Variants in ASIC2 observed in about 807,000 individuals in gnomAD.
The protein encoded by ASIC2 is acid sensing ion channel subunit 2.
Under a neutral mutation model 57.3 loss-of-function variants are expected in ASIC2, and 25 were observed. The observed-to-expected ratio is 0.44, with a 90% confidence interval of 0.32 to 0.61. The LOEUF is 0.61. Among genes scored for constraint, ASIC2 ranks in the 20% least tolerant of loss-of-function variants. The probability of loss-of-function intolerance (pLI) is 0.06; values close to 1 mark genes in which losing one functional copy is unlikely to be tolerated. For synonymous variants in ASIC2, 319 were observed against 307.5 expected (o/e 1.04, Z -0.39); for missense variants, 641 against 738.1 (o/e 0.87, Z 1.52).
intron 1 of ASIC2, among the ~76,000 whole-genome samples, chr17:34,064,383 G>T (rs1295118596): frequency 6.6e-6 from 1 of 152,100 alleles, no homozygotes; most frequent in African/African-American, 2.4e-5. Context: ...AACTCAAGTT[G>T]GATTAAGGAC....
intron 3 of ASIC2, among the ~76,000 whole-genome samples, chr17:33,072,622 G>A (rs1247590751): frequency 6.6e-6 from 1 of 152,202 alleles, no homozygotes; most frequent in East Asian, 1.9e-4. Context: ...CAACAGCCAG[G>A]TGACGTACGT....
chr17:33,094,782 A>G (rs534410000), intron 2 of ASIC2, among the ~76,000 whole-genome samples: 2 of 152,250 alleles, frequency 1.3e-5, no homozygotes, highest in Admixed American at 1.3e-4. Context: ...CTTCTACTCC[A>G]CACCTCTTTA....
chr17:33,721,595 G>A (rs977799532), intron 1 of ASIC2, among the ~76,000 whole-genome samples: 5 of 152,150 alleles, frequency 3.3e-5, no homozygotes, highest in Non-Finnish European at 7.3e-5. Context: ...GAGCAGGACC[G>A]AGAAATAAAC....
intron 2 of ASIC2, among the ~76,000 whole-genome samples, chr17:33,102,896 G>A (rs1341871989): frequency 6.6e-6 from 1 of 152,132 alleles, no homozygotes; most frequent in African/African-American, 2.4e-5. Flanking sequence ...CCATTCTCCT[G>A]CCTCAGCCTC....
intron 1 of ASIC2, among the ~76,000 whole-genome samples, chr17:34,051,242 C>A (rs1908544250): frequency 6.6e-6 from 1 of 152,160 alleles, no homozygotes; most frequent in African/African-American, 2.4e-5. Context: ...CTCTTTAATC[C>A]TCTTAGCTCA....
intron 1 of ASIC2, among the ~76,000 whole-genome samples, chr17:33,167,743 A>G (rs748757916): frequency 2.0e-5 from 3 of 152,142 alleles, no homozygotes; most frequent in African/African-American, 4.8e-5. Flanking sequence ...CTATTTCCCA[A>G]ACATGGACTA....
At chr17:33,418,894 T>A (rs1354750764) in intron 1 of ASIC2, among the ~76,000 whole-genome samples, 1 of 146,768 alleles carries the variant, frequency 6.8e-6, no homozygotes, top group African/African-American at 2.6e-5. Context: ...TAAGTGGGAG[T>A]TGAATAATGA....
intron 1 of ASIC2, among the ~76,000 whole-genome samples, chr17:33,542,006 G>A (rs1031604127): frequency 2.0e-5 from 3 of 152,112 alleles, no homozygotes; most frequent in African/African-American, 4.8e-5. Flanking sequence ...ATCTCATAAG[G>A]TTCTAACAAA....
chr17:33,100,850 G>A (rs1056653931), intron 2 of ASIC2, among the ~76,000 whole-genome samples: 1 of 152,224 alleles, frequency 6.6e-6, no homozygotes, highest in Non-Finnish European at 1.5e-5. Flanking sequence ...CCTTGCACCA[G>A]CTGGGAGTTT....
chr17:33,647,976 C>T (rs962911355), intron 1 of ASIC2, among the ~76,000 whole-genome samples: 2 of 152,224 alleles, frequency 1.3e-5, no homozygotes, highest in South Asian at 2.1e-4. Context: ...CCATACCTGT[C>T]ACCAGTAATC....
intron 1 of ASIC2, among the ~76,000 whole-genome samples, chr17:33,424,494 C>A (rs2141973937): frequency 6.6e-6 from 1 of 152,286 alleles, no homozygotes; most frequent in East Asian, 1.9e-4. Context: ...TAGTCTATGG[C>A]AGAGGCCCCA....
chr17:34,118,783 G>A (rs1375199403), intron 1 of ASIC2: 1 of 152,224 alleles, frequency 6.6e-6, no homozygotes, highest in Non-Finnish European at 1.5e-5. Flanking sequence ...CTTGTGAGAT[G>A]TCCAGACTGT....
At chr17:33,458,143 C>T (rs540562225) in intron 1 of ASIC2, among the ~76,000 whole-genome samples, 32 of 152,086 alleles carry the variant, frequency 2.1e-4, no homozygotes, top group Admixed American at 4.6e-4. Flanking sequence ...GGGTTCCAGA[C>T]GGAGGAAACA....
At chr17:34,114,782 G>A (rs1358575904) in intron 1 of ASIC2, among the ~76,000 whole-genome samples, 1 of 152,204 alleles carries the variant, frequency 6.6e-6, no homozygotes, top group African/African-American at 2.4e-5. Flanking sequence ...CAGAGCTCAT[G>A]GAGCAATCGC....
chr17:33,052,482 G>T (rs879735579), intron 3 of ASIC2: 1 of 152,194 alleles, frequency 6.6e-6, no homozygotes, highest in Non-Finnish European at 1.5e-5. Context: ...GATGCGAGAG[G>T]GAAGAGCCAT....
intron 1 of ASIC2, among the ~76,000 whole-genome samples, chr17:33,242,133 AC>A (rs1318074351): frequency 6.6e-6 from 1 of 152,170 alleles, no homozygotes; most frequent in African/African-American, 2.4e-5. Flanking sequence ...CCTGGCTAAC[AC>A]GGTGAAACCC....
chr17:33,832,441 A>G (rs1468376735), intron 1 of ASIC2, among the ~76,000 whole-genome samples: 1 of 152,232 alleles, frequency 6.6e-6, no homozygotes, highest in African/African-American at 2.4e-5. Context: ...GCTGACCAGA[A>G]GGCCTAATGA....
At chr17:33,702,479 A>C (rs1157077402) in intron 1 of ASIC2, among the ~76,000 whole-genome samples, 1 of 152,208 alleles carries the variant, frequency 6.6e-6, no homozygotes, top group African/African-American at 2.4e-5. Context: ...CTGAGTTTCC[A>C]TCAAGGGAGC....
chr17:33,913,472 T>C (rs1915512177), intron 1 of ASIC2, among the ~76,000 whole-genome samples: 1 of 152,208 alleles, frequency 6.6e-6, no homozygotes, highest in African/African-American at 2.4e-5. Context: ...CTGTTTATTA[T>C]GGCATCAAAA....
Sources: allele counts gnomAD v4.1 joint callset (sites outside exome capture counted in the v4.1 genomes callset), GRCh38; gene constraint gnomAD v4.1.1; transcripts MANE v1.5; gene names NCBI Gene and HGNC (gene_info 2026-07-23, HGNC 2026-07-21).